The following ZC3H7B variants were observed in gnomAD, a reference collection of about 807,000 sequenced individuals.
ZC3H7B encodes the protein zinc finger CCCH-type containing 7B.
A neutral mutation model predicts 116.0 loss-of-function variants in ZC3H7B; 35 were observed. The observed-to-expected ratio is 0.30, with a 90% CI of 0.23 to 0.40. The LOEUF (loss-of-function observed/expected upper bound fraction) is 0.40, where lower values mean the gene tolerates loss of function less well. Ranked by LOEUF, ZC3H7B falls within the 10% of genes least tolerant of loss-of-function variation. ZC3H7B has a pLI of 1.00. For missense variants in ZC3H7B, 1,011 were observed against 1,321.5 expected (o/e 0.77, Z 3.64); for synonymous variants, 502 against 545.6 (o/e 0.92, Z 1.11).
In ZC3H7B at chr22:41,327,638, T is replaced by G. The variant is rs1286727850; in HGVS notation, c.444+274T>G. Among the ~76,000 whole-genome samples, 2 of 152,258 alleles carry G rather than the reference T, an allele frequency of 1.3e-5. No individual in the cohort carries two copies. The highest frequency in any genetic ancestry group is 2.9e-5 in the Non-Finnish European group (2 of 68,048). Reference sequence around the variant, plus strand: ...GTGATTATTCTCATTTTAAAGATGATGAGGCCAGACACAGTGGCTCACGCC... The same window carrying G: ...GTGATTATTCTCATTTTAAAGATGAGGAGGCCAGACACAGTGGCTCACGCC... On this transcript the variant is annotated intron_variant, in intron 5 of 22. Transcript: ENST00000352645. The surrounding 1 kb of genome is among the most constrained non-coding windows in gnomAD (Gnocchi z 4.5).
At chr22:41,347,993 A>T in intron 14 of ZC3H7B, 74 bp from the exon 15 acceptor site, 2 of 1,294,150 alleles carry the variant, frequency 1.5e-6, no homozygotes, top group Non-Finnish European at 2.2e-6. Flanking sequence ...TTCCCCAGCT[A>T]GCTGTGTGGG....
chr22:41,316,479 A>G (rs2036185003), intron 1 of ZC3H7B, among the ~76,000 whole-genome samples: 1 of 151,276 alleles, frequency 6.6e-6, no homozygotes, highest in African/African-American at 2.4e-5. Context: ...TATTTTTAGT[A>G]GAGACAGGGT....
chr22:41,316,207 G>C (rs773852522), intron 1 of ZC3H7B, among the ~76,000 whole-genome samples: 12 of 151,798 alleles, frequency 7.9e-5, no homozygotes, highest in Non-Finnish European at 1.8e-4. Flanking sequence ...TGGTCAGGCT[G>C]GTCTCAAACT....
chr22:41,307,087 C>G (rs571508078), intron 1 of ZC3H7B, among the ~76,000 whole-genome samples: 1 of 151,856 alleles, frequency 6.6e-6, no homozygotes, highest in East Asian at 1.9e-4. Flanking sequence ...AATTCTCCTG[C>G]CTCAGCCTCC....
At position 41,311,894 on chromosome 22, in the gene ZC3H7B, A is replaced by G. The variant is rs141084233; in HGVS notation, c.-6-8761A>G. 2.8e-3 allele frequency among the ~76,000 whole-genome samples: 428 copies of G among 152,266 alleles called. 2 individuals are homozygous for G. The highest frequency in any genetic ancestry group is 4.7e-3 in the Non-Finnish European group (322 of 68,004). ...CATGGAGGCATCTCCATGACAATAC[A>G]TATAGATTCAATAGCTGCATTGTAT... On this transcript the variant is annotated intron_variant, in intron 1 of 22. Coordinates refer to ENST00000352645, the MANE Select transcript of ZC3H7B (RefSeq NM_017590.6).
chr22:41,302,261 G>T lies in ZC3H7B; in HGVS notation c.-7+489G>T, dbSNP rs2035976891. On this transcript the variant is annotated intron_variant, in intron 1 of 22. Transcript: ENST00000352645. The surrounding 1 kb of genome is among the most constrained non-coding windows in gnomAD (Gnocchi z 5.7). ...GGCCCCGCAGCACCCGGAGTTGGAG[G>T]GGCCGCGGCGAGGGCCGGGGAGCGG... Among the ~76,000 whole-genome samples, 2 of 151,704 alleles carry T rather than the reference G, an allele frequency of 1.3e-5. No homozygotes were observed. Among genetic ancestry groups the T allele is most frequent in the Non-Finnish European group, 2.9e-5 (2 of 67,840 alleles).
At chr22:41,329,855 C>G (rs2036360088) in intron 5 of ZC3H7B, among the ~76,000 whole-genome samples, 168 bp from the exon 6 acceptor site, 2 of 152,236 alleles carry the variant, frequency 1.3e-5, no homozygotes. Flanking sequence ...CCACCACTCA[C>G]TAGCTGTGTG....
chr22:41,337,768 G>A (rs1338573319), intron 7 of ZC3H7B, among the ~76,000 whole-genome samples: 2 of 152,198 alleles, frequency 1.3e-5, no homozygotes, highest in Non-Finnish European at 2.9e-5. Context: ...CCTCCCTAGA[G>A]GGACAGCTGT....
At position 41,357,609 on chromosome 22, in the gene ZC3H7B, G is replaced by T; in HGVS notation, c.*180G>T. 2.3e-6 allele frequency: 2 copies of T among 856,532 alleles called. No homozygotes were observed. Among genetic ancestry groups the T allele is most frequent in the Non-Finnish European group, 3.5e-6 (2 of 572,788 alleles). 53.1% of individuals were successfully genotyped at this position (856,532 alleles called of 1,614,324 possible). On this transcript the variant is annotated 3_prime_UTR_variant, in exon 23 of 23. Coordinates refer to ENST00000352645, the MANE Select transcript of ZC3H7B (RefSeq NM_017590.6). The surrounding 1 kb of genome is among the most constrained non-coding windows in gnomAD (Gnocchi z 5.4). ...ACCGCCCCGGTGTGCGTACCCAGGC[G>T]CACGTGCTGCAGCCCCCGGAGGCCC... is the stretch of plus-strand genomic sequence containing the variant.
At chr22:41,330,841 C>A (rs911282963) in intron 6 of ZC3H7B, among the ~76,000 whole-genome samples, 4 of 149,556 alleles carry the variant, frequency 2.7e-5, no homozygotes, top group Admixed American at 6.7e-5. Flanking sequence ...ACTCGGGAGG[C>A]TGAGGCAGGA....
chr22:41,340,830 A>G (rs2036513097), intron 10 of ZC3H7B, among the ~76,000 whole-genome samples: 1 of 152,132 alleles, frequency 6.6e-6, no homozygotes, highest in South Asian at 2.1e-4. Flanking sequence ...GGAGCAAGCT[A>G]AGGAACTTGG....
chr22:41,347,290 T>C (rs1289187833), intron 14 of ZC3H7B, among the ~76,000 whole-genome samples: 1 of 152,228 alleles, frequency 6.6e-6, no homozygotes, highest in African/African-American at 2.4e-5. Flanking sequence ...CCAAGCGCCG[T>C]GTCCACGGCC....
intron 6 of ZC3H7B, 131 bp from the exon 7 acceptor site, chr22:41,332,040 G>A (rs981675518): frequency 6.3e-5 from 57 of 901,478 alleles, no homozygotes; most frequent in Non-Finnish European, 9.4e-5. Flanking sequence ...CAGGCCTGGG[G>A]ACAGGGACTC....
chr22:41,342,470 G>A, intron 11 of ZC3H7B, 59 bp from the exon 12 acceptor site: 2 of 1,542,678 alleles, frequency 1.3e-6, no homozygotes, highest in Non-Finnish European at 1.8e-6. Flanking sequence ...GCCCTGGCTG[G>A]CCCCAGTGGC....
intron 1 of ZC3H7B, among the ~76,000 whole-genome samples, chr22:41,304,656 C>T (rs1325312963): frequency 1.3e-5 from 2 of 152,158 alleles, no homozygotes; most frequent in African/African-American, 4.8e-5. Context: ...AGAATTTGAA[C>T]TTCAAAGAAT....
intron 17 of ZC3H7B, among the ~76,000 whole-genome samples, chr22:41,354,441 GCTC>G (rs1393933241): frequency 1.3e-5 from 2 of 152,214 alleles, no homozygotes; most frequent in Non-Finnish European, 2.9e-5. Flanking sequence ...AATGAGGACA[GCTC>G]CTTCCTGCTC....
rs2036518196 is a variant in ZC3H7B, at chr22:41,341,165, G to A, written c.1197+19G>A. On this transcript the variant is annotated intron_variant, in intron 11 of 22. Transcript: ENST00000352645. ...CCCCTCGGTGAGTGACTTGAGTGGG[G>A]ATCCAGGCCTCTCATTCCCTGCTGG... 6.2e-7 allele frequency: 1 copy of A among 1,613,810 alleles called. No homozygotes were observed.
Position 41,339,104 on chromosome 22 carries a change from C to T in ZC3H7B, c.729C>T (p.Ser243=), listed in dbSNP as rs35599990. Residue 243 remains serine, a synonymous_variant, in exon 9 of 23, where the codon AGC becomes AGT. Coordinates refer to ENST00000352645, the MANE Select transcript of ZC3H7B (RefSeq NM_017590.6). ...ACCTGCTGGCCCCCCTGGACAGCAG[C>T]AGGACCCTCCCCAGCACCGACAGCC... ...VLDLLAPLDS[S]RTLPSTDSLD... The T allele has an allele frequency of 3.4e-3, 5,535 of 1,612,752 alleles. 173 individuals are homozygous for T. The African/African-American group carries it at 0.064, about 19-fold the overall frequency.
Position 41,348,086 on chromosome 22 carries a change from C to T in ZC3H7B, c.1685C>T (p.Pro562Leu). ...GGGCAGATCTGCTTTGACAGTAAACCCCGGATCATCAGCAAAGGCACCAAG... is the reference window on the plus strand; with the variant it reads ...GGGCAGATCTGCTTTGACAGTAAACTCCGGATCATCAGCAAAGGCACCAAG... The part of the protein sequence containing the change: ...FLCEICFDSK[P>L]RIISKGTKDS... Residue 562 changes from proline (P) to leucine (L), a missense_variant, in exon 15 of 23, where the codon CCC becomes CTC. Physicochemically the swap from Pro to Leu is moderately conservative, Grantham distance 98. Coordinates refer to ENST00000352645, the MANE Select transcript of ZC3H7B (RefSeq NM_017590.6). 6.2e-7 allele frequency: 1 copy of T among 1,613,960 alleles called. No homozygotes were observed. The highest frequency in any genetic ancestry group is 8.5e-7 in the Non-Finnish European group (1 of 1,179,904).
Sources: gnomAD v4.1 joint callset for allele counts (sites outside exome capture counted in the v4.1 genomes callset) on GRCh38, gnomAD v4.1.1 for gene constraint, Gnocchi (gnomAD v3.1) non-coding constraint, MANE v1.5 for transcripts, NCBI Gene and HGNC (gene_info 2026-07-23, HGNC 2026-07-21) for gene names.